ZNF862: variants seen among roughly 807,000 people sequenced by gnomAD.
ZNF862 encodes the protein zinc finger protein 862.
ZNF862 carries 64 observed loss-of-function variants against 91.1 expected under a neutral mutation model. That is an observed-to-expected ratio of 0.70 (90% CI 0.57 to 0.87). The LOEUF is 0.87. Ranked by LOEUF, ZNF862 falls within the 40% of genes least tolerant of loss-of-function variation. ZNF862 has a pLI of 0.00. For synonymous variants in ZNF862, 631 were observed against 618.1 expected, an observed-to-expected ratio of 1.02 and a Z score of -0.31; for missense variants, 1,459 against 1,528.0, an observed-to-expected ratio of 0.95 and a Z score of 0.75.
chr7:149,846,350 C>T (rs1407617141), intron 3 of ZNF862, 95 bp downstream of exon 3: 1 of 910,142 alleles, frequency 1.1e-6, no homozygotes, highest in Non-Finnish European at 1.7e-6. Flanking sequence ...CCTTCCTGTT[C>T]TCCACCAACT....
intron 4 of ZNF862, among the ~76,000 whole-genome samples, chr7:149,849,204 C>T (rs74381215): frequency 0.018 from 2,706 of 152,210 alleles, 73 homozygotes; most frequent in African/African-American, 0.06. Context: ...GCTGTGAGGC[C>T]GGTAGAGCAG....
At chr7:149,859,707 T>TC in intron 6 of ZNF862, 181 bp downstream of exon 6, 3 of 577,910 alleles carry the variant, frequency 5.2e-6, no homozygotes, top group Admixed American at 3.3e-5. Context: ...GAGTGTAGAG[T>TC]AGTCTGGGAA....
chr7:149,844,390 C>T (rs1801802120), intron 1 of ZNF862, among the ~76,000 whole-genome samples: 1 of 152,172 alleles, frequency 6.6e-6, no homozygotes, highest in Non-Finnish European at 1.5e-5. Flanking sequence ...GGAGAAGCTC[C>T]TGAGCCAGCC....
At chr7:149,859,719 CAG>C (rs1392663033) in intron 6 of ZNF862, 193 bp downstream of exon 6, 30 of 557,212 alleles carry the variant, frequency 5.4e-5, no homozygotes, top group Admixed American at 1.0e-4. Flanking sequence ...GTCTGGGAAA[CAG>C]GGAAAAAACA....
chr7:149,866,764 G>A lies in ZNF862; in HGVS notation c.*2480G>A, dbSNP rs1260138502. 2.6e-5 allele frequency: 4 copies of A among 152,218 alleles called. No individual in the cohort carries two copies. The highest frequency in any genetic ancestry group is 1.3e-4 in the Admixed American group (2 of 15,284). 9.4% of individuals were successfully genotyped at this position (152,218 alleles called of 1,614,324 possible). On this transcript the variant is annotated 3_prime_UTR_variant, in exon 8 of 8. Transcript: ENST00000223210. ...CCTTTGTCAGCCAATGGCCAAGAAG[G>A]AAGAAGATGACTGCCATCTTATTCC...
chr7:149,855,742 C>G lies in ZNF862; in HGVS notation c.1118-3680C>G, dbSNP rs1434846204. ...TGGTAGCCAACCGTCACGGGCAGGC[C>G]CCACAGACAACGCCAGGCCTCTTCT... On this transcript the variant is annotated intron_variant, in intron 5 of 7. Transcript: ENST00000223210. This position sits in a 1 kb window ranked among gnomAD's most constrained non-coding sequence, Gnocchi z 4.1. 6.6e-6 allele frequency among the ~76,000 whole-genome samples: 1 copy of G among 152,108 alleles called. No individual in the cohort carries two copies. Among genetic ancestry groups the G allele is most frequent in the East Asian group, 1.9e-4 (1 of 5,188 alleles).
Position 149,864,283 on chromosome 7 carries a change from GAGGGAC to G in ZNF862, c.*5_*10del, listed in dbSNP as rs764386985. On this transcript the variant is annotated stop_retained_variant and 3_prime_UTR_variant, in exon 8 of 8. Coordinates refer to ENST00000223210, the MANE Select transcript of ZNF862 (RefSeq NM_001099220.3). ...AGCCAGGAGGCCCCCGGGATGTCCT[GAGGGAC>G]AGGGAGTCCTTGGGACTGCCTTGGA... is the stretch of plus-strand genomic sequence containing the variant. 29 of 1,594,824 alleles carry G rather than the reference GAGGGAC, an allele frequency of 1.8e-5. No homozygotes were observed. Among genetic ancestry groups the G allele is most frequent in the Non-Finnish European group, 2.0e-5 (23 of 1,171,714 alleles).
rs1802526324 is a variant in ZNF862, at chr7:149,861,998, C to T, written c.2838C>T (p.Asn946=). 2 of 1,613,738 alleles carry T rather than the reference C, an allele frequency of 1.2e-6. No homozygotes were observed. The highest frequency in any genetic ancestry group is 1.7e-5 in the Admixed American group (1 of 59,992). ...FDADRPPQLK[N]MEVFDTMAWP... is the part of the protein sequence containing the mutation. ...CAGACCGACCCCCACAGCTGAAGAACATGGAGGTGTTTGACACCATGGCCT... is the reference window on the plus strand; with the variant it reads ...CAGACCGACCCCCACAGCTGAAGAATATGGAGGTGTTTGACACCATGGCCT... Residue 946 remains asparagine (N), a synonymous_variant, in exon 7 of 8, where the codon AAC becomes AAT. Transcript: ENST00000223210. This position sits in a 1 kb window ranked among gnomAD's most constrained non-coding sequence, Gnocchi z 6.7.
At chr7:149,853,462 AAAG>A (rs985794751) in intron 5 of ZNF862, among the ~76,000 whole-genome samples, 1 of 152,182 alleles carries the variant, frequency 6.6e-6, no homozygotes, top group African/African-American at 2.4e-5. Context: ...AAGGGAACAA[AAAG>A]AAGAGGTTTT....
At position 149,848,124 on chromosome 7, in the gene ZNF862, C is replaced by A; in HGVS notation, c.631C>A (p.Pro211Thr). The A allele has an allele frequency of 6.2e-7, 1 of 1,614,042 alleles. No homozygotes were observed. The highest frequency in any genetic ancestry group is 1.1e-5 in the South Asian group (1 of 91,082). The change falls in exon 4 of 8, where the codon CCC becomes ACC. Residue 211 changes from proline to threonine, a missense_variant. Physicochemically the swap from Pro to Thr is conservative, Grantham distance 38. Coordinates refer to ENST00000223210, the MANE Select transcript of ZNF862 (RefSeq NM_001099220.3). ...TGTCAATGCCTTGGCAGCGAGGGAC[C>A]CCATCTGGGCAGCCCGGTTCCGGAG... ...FCVNALAARD[P>T]IWAARFRSIR...
intron 5 of ZNF862, among the ~76,000 whole-genome samples, chr7:149,857,388 T>G (rs1802298019): frequency 6.6e-6 from 1 of 152,178 alleles, no homozygotes; most frequent in Non-Finnish European, 1.5e-5. Flanking sequence ...ATGCTATTTT[T>G]TTTATTCTAT....
In ZNF862 at chr7:149,860,702, G is replaced by A; in HGVS notation, c.1542G>A (p.Glu514=). Residue 514 remains glutamate (E), a synonymous_variant, in exon 7 of 8, where the codon GAG becomes GAA. Coordinates refer to ENST00000223210, the MANE Select transcript of ZNF862 (RefSeq NM_001099220.3). ...VRGYTGPFKV[E]TLKYHEVSKA... The stretch of plus-strand genomic sequence containing the variant: ...GTTACACGGGGCCTTTTAAAGTGGA[G>A]ACTTTAAAATACCATGAAGTCAGCA... 6.2e-7 allele frequency: 1 copy of A among 1,613,910 alleles called. No individual in the cohort carries two copies. The highest frequency in any genetic ancestry group is 8.5e-7 in the Non-Finnish European group (1 of 1,179,876).
At chr7:149,860,208 A>C in intron 6 of ZNF862, 175 bp from the exon 7 acceptor site, 1 of 638,714 alleles carries the variant, frequency 1.6e-6, no homozygotes, top group Non-Finnish European at 2.6e-6. Context: ...ATGAACTTTC[A>C]CAGATGAGAA....
chr7:149,852,373 G>GTGT (rs1802097197), intron 5 of ZNF862, among the ~76,000 whole-genome samples: 1 of 79,064 alleles, frequency 1.3e-5, no homozygotes, highest in African/African-American at 3.4e-5. Context: ...GTGTGTGTGT[G>GTGT]AGAGAGAGAG....
intron 5 of ZNF862, among the ~76,000 whole-genome samples, chr7:149,853,375 A>G (rs1015688067): frequency 6.6e-6 from 1 of 152,360 alleles, no homozygotes; most frequent in Admixed American, 6.5e-5. Flanking sequence ...CACTCGCCAC[A>G]GTTATGTGCC....
Position 149,862,079 on chromosome 7 carries a change from C to G in ZNF862, c.2919C>G (p.Ala973=). ...SFGNDDILNL[A]RYFECSLPTG... is the part of the protein sequence containing the mutation. ...GGAATGATGACATTCTCAACCTGGC[C>G]AGGTATTTCGAGTGCTCCCTCCCAA... is the stretch of plus-strand genomic sequence containing the variant. The change falls in exon 7 of 8, where the codon GCC becomes GCG. Residue 973 remains alanine, a synonymous_variant. Coordinates refer to ENST00000223210, the MANE Select transcript of ZNF862 (RefSeq NM_001099220.3). 6.2e-7 allele frequency: 1 copy of G among 1,613,664 alleles called. No individual in the cohort carries two copies. Among genetic ancestry groups the G allele is most frequent in the Non-Finnish European group, 8.5e-7 (1 of 1,179,888 alleles).
chr7:149,863,629 G>A (rs1249513003), intron 7 of ZNF862, among the ~76,000 whole-genome samples: 1 of 152,176 alleles, frequency 6.6e-6, no homozygotes, highest in African/African-American at 2.4e-5. Flanking sequence ...CCTGATGCGA[G>A]TTACTCTTTC....
chr7:149,863,984 A>G, intron 7 of ZNF862, 125 bp from the exon 8 acceptor site: 1 of 898,300 alleles, frequency 1.1e-6, no homozygotes, highest in African/African-American at 1.7e-5. Context: ...TGCAAAGAGC[A>G]GTCGTGGTCC....
chr7:149,863,712 A>C (rs1452611850), intron 7 of ZNF862, among the ~76,000 whole-genome samples: 1 of 152,208 alleles, frequency 6.6e-6, no homozygotes. Context: ...CCTTCCAGGC[A>C]GGGCTCTCAG....
Sources: gnomAD v4.1 joint callset for allele counts (sites outside exome capture counted in the v4.1 genomes callset) on GRCh38, gnomAD v4.1.1 for gene constraint, Gnocchi (gnomAD v3.1) non-coding constraint, MANE v1.5 for transcripts, NCBI Gene and HGNC (gene_info 2026-07-23, HGNC 2026-07-21) for gene names.